Variants in PSD3 observed in about 807,000 individuals in gnomAD.
The protein encoded by PSD3 is PH and SEC7 domain-containing protein 3.
Under a neutral mutation model 105.5 loss-of-function variants are expected in PSD3, and 49 were observed. The ratio of observed to expected loss-of-function variants is 0.46; its 90% CI spans 0.37 to 0.59. PSD3 has a LOEUF of 0.59. Among genes scored for constraint, PSD3 ranks in the 20% least tolerant of loss-of-function variants. The probability of loss-of-function intolerance (pLI) is 0.00; values close to 1 mark genes in which losing one functional copy is unlikely to be tolerated. For missense variants in PSD3, 1,561 were observed against 1,263.8 expected, an observed-to-expected ratio of 1.24 and a Z score of -3.57; for synonymous variants, 557 against 457.8, an observed-to-expected ratio of 1.22 and a Z score of -2.77.
intron 11 of PSD3, among the ~76,000 whole-genome samples, chr8:18,617,683 G>A (rs555509720): frequency 1.3e-5 from 2 of 151,044 alleles, no homozygotes; most frequent in South Asian, 2.1e-4. Context: ...TGACAGAAAG[G>A]GGGTGTTGGA....
chr8:18,623,101 T>C (rs1008040341), intron 11 of PSD3, among the ~76,000 whole-genome samples: 1 of 151,968 alleles, frequency 6.6e-6, no homozygotes, highest in African/African-American at 2.4e-5. Context: ...TCCAGGCTGG[T>C]CTTGAACTCC....
At chr8:18,667,032 C>T (rs527616400) in intron 9 of PSD3, among the ~76,000 whole-genome samples, 3 of 152,110 alleles carry the variant, frequency 2.0e-5, no homozygotes, top group South Asian at 2.1e-4. Context: ...CTTGTGGGTT[C>T]GTGGTCTCGC....
At chr8:19,009,410 C>A (rs1030162089) in intron 1 of PSD3, among the ~76,000 whole-genome samples, 17 of 152,166 alleles carry the variant, frequency 1.1e-4, no homozygotes, top group African/African-American at 4.1e-4. Flanking sequence ...CACTTACTCA[C>A]TGTGGGATCT....
chr8:18,695,584 A>T (rs1801214031), intron 9 of PSD3, among the ~76,000 whole-genome samples: 1 of 152,252 alleles, frequency 6.6e-6, no homozygotes, highest in South Asian at 2.1e-4. Flanking sequence ...GATATTAGAA[A>T]TAATAAAAAA....
chr8:18,907,634 T>G (rs1368239206), intron 2 of PSD3, among the ~76,000 whole-genome samples: 1 of 152,256 alleles, frequency 6.6e-6, no homozygotes, highest in Non-Finnish European at 1.5e-5. Flanking sequence ...CCATATAGCC[T>G]AGGTGTGTCT....
intron 2 of PSD3, among the ~76,000 whole-genome samples, chr8:18,932,344 C>T (rs1267515508): frequency 6.6e-6 from 1 of 152,162 alleles, no homozygotes; most frequent in Admixed American, 6.5e-5. Context: ...TATGCCAGCC[C>T]ACAGACAGCT....
At chr8:18,834,245 T>C (rs1434172549) in intron 4 of PSD3, among the ~76,000 whole-genome samples, 1 of 152,190 alleles carries the variant, frequency 6.6e-6, no homozygotes, top group Non-Finnish European at 1.5e-5. Flanking sequence ...CTAGCAGAAA[T>C]CATGATTTAA....
At chr8:19,022,344 C>G (rs1365606) in intron 1 of PSD3, among the ~76,000 whole-genome samples, 3,335 of 152,290 alleles carry the variant, frequency 0.022, 132 homozygotes, top group African/African-American at 0.076. Flanking sequence ...TATGTACCCA[C>G]TGGAACATTT....
intron 9 of PSD3, among the ~76,000 whole-genome samples, chr8:18,735,392 G>C (rs773181520): frequency 6.6e-6 from 1 of 152,174 alleles, no homozygotes; most frequent in Non-Finnish European, 1.5e-5. Flanking sequence ...CTCACAATCA[G>C]AGTAATACAC....
intron 9 of PSD3, among the ~76,000 whole-genome samples, chr8:18,691,919 G>A (rs1266533945): frequency 6.6e-6 from 1 of 152,198 alleles, no homozygotes; most frequent in African/African-American, 2.4e-5. Context: ...GAGACAGAGA[G>A]GGAGCCACTT....
intron 10 of PSD3, among the ~76,000 whole-genome samples, chr8:18,636,762 T>C (rs989754470): frequency 2.0e-5 from 3 of 152,258 alleles, no homozygotes; most frequent in Admixed American, 6.5e-5. Flanking sequence ...GCCTATAGTA[T>C]TTGGCACAGT....
rs141954082 is a variant in PSD3, at chr8:18,529,804, T to C, written c.*5939A>G. 58 of 152,660 alleles carry C rather than the reference T, an allele frequency of 3.8e-4. No homozygotes were observed. The highest frequency in any genetic ancestry group is 1.3e-3 in the African/African-American group (52 of 41,452). 9.5% of individuals were successfully genotyped at this position (152,660 alleles called of 1,614,324 possible). On this transcript the variant is annotated 3_prime_UTR_variant, in exon 16 of 16. Coordinates refer to ENST00000327040, the MANE Select transcript of PSD3 (RefSeq NM_015310.4). Reference sequence around the variant, plus strand: ...CGTTTTGCTTCTCCTACTCCTTTTCTACATGATTTTTGAATCAAATGGCTG... The same window carrying C: ...CGTTTTGCTTCTCCTACTCCTTTTCCACATGATTTTTGAATCAAATGGCTG...
At chr8:18,582,787 G>A (rs1027531779) in intron 12 of PSD3, among the ~76,000 whole-genome samples, 1 of 146,742 alleles carries the variant, frequency 6.8e-6, no homozygotes, top group African/African-American at 2.6e-5. Context: ...CTGTTTCCAA[G>A]TCATTCTCCA....
rs1288933920 is a variant in PSD3 at position 18,935,153 on chromosome 8, T to C, written c.130+881A>G. On this transcript the variant is annotated intron_variant, in intron 2 of 15. Coordinates refer to ENST00000327040, the MANE Select transcript of PSD3 (RefSeq NM_015310.4). ...CACAGTAAGTAATCTAGTAGGTTAA[T>C]TATTACTGTAATTAGCACTAGTAAT... Among the ~76,000 whole-genome samples the C allele has an allele frequency of 3.9e-5, 6 of 152,208 alleles. No homozygotes were observed. The East Asian group carries it at 7.7e-4, about 20-fold the overall frequency.
At chr8:18,731,329 T>C (rs1803735861) in intron 9 of PSD3, among the ~76,000 whole-genome samples, 1 of 152,160 alleles carries the variant, frequency 6.6e-6, no homozygotes, top group Non-Finnish European at 1.5e-5. Flanking sequence ...AATGCACTCA[T>C]GGAGTCAGTG....
chr8:18,595,376 T>A (rs184044314), intron 12 of PSD3, among the ~76,000 whole-genome samples: 71 of 151,244 alleles, frequency 4.7e-4, no homozygotes, highest in African/African-American at 1.7e-3. Flanking sequence ...TCTCTATCGA[T>A]AATTACTTTA....
intron 1 of PSD3, among the ~76,000 whole-genome samples, chr8:19,007,020 T>G (rs1189721570): frequency 6.6e-6 from 1 of 151,986 alleles, no homozygotes; most frequent in East Asian, 1.9e-4. Flanking sequence ...TTTGGGAGGC[T>G]GAGGGGGACA....
At chr8:18,587,829 G>T (rs1371473137) in intron 12 of PSD3, among the ~76,000 whole-genome samples, 1 of 152,148 alleles carries the variant, frequency 6.6e-6, no homozygotes, top group African/African-American at 2.4e-5. Flanking sequence ...TACCTGATGT[G>T]ATAAATAGCT....
chr8:18,665,188 T>C (rs1799379542), intron 9 of PSD3, among the ~76,000 whole-genome samples: 1 of 152,228 alleles, frequency 6.6e-6, no homozygotes, highest in South Asian at 2.1e-4. Flanking sequence ...CTGATGGATA[T>C]GGGCAAAGTA....
Sources: gnomAD v4.1 joint callset for allele counts (sites outside exome capture counted in the v4.1 genomes callset) on GRCh38, gnomAD v4.1.1 for gene constraint, MANE v1.5 for transcripts, NCBI Gene and HGNC (gene_info 2026-07-23, HGNC 2026-07-21) for gene names.